Variants in ZNF85 observed in about 807,000 individuals in gnomAD.
ZNF85 encodes the protein zinc finger protein 85 (HPF4, HTF1).
In ZNF85, 50 loss-of-function variants were observed where a neutral mutation model predicts 53.9. The observed-to-expected ratio is 0.93, with a 90% CI of 0.74 to 1.17. ZNF85 has a LOEUF of 1.17. ZNF85 is among the 50% of genes most tolerant of loss of function. The pLI, the probability that ZNF85 is intolerant of heterozygous loss-of-function variation, is 0.00. For missense variants in ZNF85, 747 were observed against 688.5 expected (o/e 1.08, Z -0.95); for synonymous variants, 225 against 226.1 (o/e 1.00, Z 0.04).
chr19:20,941,209 T>G (rs760564003), intron 3 of ZNF85, among the ~76,000 whole-genome samples: 9 of 152,190 alleles, frequency 5.9e-5, no homozygotes, highest in Non-Finnish European at 1.2e-4. Flanking sequence ...AGTGATTTTG[T>G]TTTTCATTGT....
At chr19:20,928,224 C>CG (rs772562618) in intron 1 of ZNF85, 26 of 152,042 alleles carry the variant, frequency 1.7e-4, no homozygotes, top group Non-Finnish European at 3.2e-4. Context: ...AACCCTGAAT[C>CG]GGGGTCTGTG....
chr19:20,938,364 C>G (rs1973208321), intron 3 of ZNF85, among the ~76,000 whole-genome samples: 1 of 152,148 alleles, frequency 6.6e-6, no homozygotes, highest in Admixed American at 6.5e-5. Context: ...CTGCATTTGT[C>G]CTAGGATGCT....
At chr19:20,928,852 C>T (rs1228815593) in intron 1 of ZNF85, 1 of 152,110 alleles carries the variant, frequency 6.6e-6, no homozygotes, top group Non-Finnish European at 1.5e-5. Context: ...ACCTACATTG[C>T]ACTTTACCCC....
intron 1 of ZNF85, among the ~76,000 whole-genome samples, chr19:20,931,665 TG>T (rs1379946086): frequency 2.1e-5 from 3 of 144,260 alleles, no homozygotes; most frequent in East Asian, 4.1e-4. Context: ...TGGAGTGCAG[TG>T]GTGCAATCTC....
At chr19:20,931,789 A>T (rs1226638955) in intron 1 of ZNF85, among the ~76,000 whole-genome samples, 1 of 151,564 alleles carries the variant, frequency 6.6e-6, no homozygotes, top group African/African-American at 2.4e-5. Flanking sequence ...TTCTATTTTT[A>T]GTAGAGATGC....
chr19:20,941,084 A>C (rs1973284155), intron 3 of ZNF85, among the ~76,000 whole-genome samples: 1 of 152,210 alleles, frequency 6.6e-6, no homozygotes, highest in South Asian at 2.1e-4. Flanking sequence ...AACATTTTAA[A>C]ATAATGACTG....
chr19:20,948,466 G>A (rs1182743379), intron 3 of ZNF85, among the ~76,000 whole-genome samples: 1 of 151,614 alleles, frequency 6.6e-6, no homozygotes, highest in African/African-American at 2.4e-5. Context: ...AAATAGCTGT[G>A]TTGTAAATGT....
In ZNF85 at chr19:20,949,863, G is replaced by T. The variant is rs772984653; in HGVS notation, c.1349G>T (p.Gly450Val). ...KLTEHKKIHT[G>V]EKPYECEKCG... is the part of the protein sequence containing the mutation. ...ACTGAACATAAGAAAATTCATACTG[G>T]AGAGAAACCCTATGAATGTGAAAAA... The change falls in exon 4 of 4, where the codon GGA (glycine) becomes GTA (valine). Residue 450 changes from glycine (G) to valine (V), a missense_variant. By Grantham distance (109) the Gly-to-Val change is moderately radical. Coordinates refer to ENST00000328178, the MANE Select transcript of ZNF85 (RefSeq NM_003429.5). 6.2e-7 allele frequency: 1 copy of T among 1,612,650 alleles called. No individual in the cohort carries two copies. The highest frequency in any genetic ancestry group is 1.1e-5 in the South Asian group (1 of 90,896).
intron 3 of ZNF85, among the ~76,000 whole-genome samples, chr19:20,935,966 G>C (rs1023000438): frequency 2.0e-5 from 3 of 151,978 alleles, no homozygotes; most frequent in African/African-American, 7.2e-5. Flanking sequence ...AAATTTATTT[G>C]TGTCTTCTCT....
chr19:20,937,057 G>A (rs770035335), intron 3 of ZNF85: 8 of 180,074 alleles, frequency 4.4e-5, no homozygotes, highest in Admixed American at 6.1e-5. Flanking sequence ...TTTTTGAGAC[G>A]GAGTCTCACT....
At chr19:20,923,485 C>T in intron 1 of ZNF85, 82 bp downstream of exon 1, 17 of 1,604,732 alleles carry the variant, frequency 1.1e-5, no homozygotes, top group South Asian at 1.1e-5. Context: ...GGACTCAGGC[C>T]TCCCTGTAGT....
intron 3 of ZNF85, chr19:20,946,455 A>T: frequency 3.0e-6 from 1 of 333,146 alleles, no homozygotes; most frequent in Non-Finnish European, 5.8e-6. Context: ...TTATTATTAT[A>T]GAAAGTAGGT....
Position 20,949,693 on chromosome 19 carries a change from T to C in ZNF85, c.1179T>C (p.Thr393=), listed in dbSNP as rs1973525182. 6.2e-7 allele frequency: 1 copy of C among 1,613,194 alleles called. No homozygotes were observed. The highest frequency in any genetic ancestry group is 8.5e-7 in the Non-Finnish European group (1 of 1,179,516). The change falls in exon 4 of 4, where the codon ACT becomes ACC. Residue 393 remains threonine (T), a synonymous_variant. Transcript: ENST00000328178. ...TTACTACACATAAGATAATTCATAC[T>C]GGAGAGAAACCTTACAAATGTAAAG... ...SHLTTHKIIH[T]GEKPYKCKEC... is the part of the protein sequence containing the mutation.
chr19:20,924,887 G>A (rs1201951652), intron 1 of ZNF85, among the ~76,000 whole-genome samples: 2 of 152,108 alleles, frequency 1.3e-5, no homozygotes, highest in African/African-American at 2.4e-5. Context: ...CAAGGTTTCC[G>A]TTTGGAGACT....
At chr19:20,931,620 C>CTTTTTCT (rs1555793218) in intron 1 of ZNF85, among the ~76,000 whole-genome samples, 90 of 119,460 alleles carry the variant, frequency 7.5e-4, no homozygotes, top group African/African-American at 3.0e-3. Context: ...TTTTCTTTTT[C>CTTTTTCT]TTTTTTTTTT....
In ZNF85 at chr19:20,949,704, C is replaced by T. The variant is rs1383469038; in HGVS notation, c.1190C>T (p.Pro397Leu). 16 of 1,612,968 alleles carry T rather than the reference C, an allele frequency of 9.9e-6. No individual in the cohort carries two copies. The highest frequency in any genetic ancestry group is 3.3e-5 in the South Asian group (3 of 91,006). ...THKIIHTGEK[P>L]YKCKECGKAF... ...AAGATAATTCATACTGGAGAGAAAC[C>T]TTACAAATGTAAAGAATGTGGTAAA... The change falls in exon 4 of 4, where the codon CCT (proline) becomes CTT (leucine). Residue 397 changes from proline to leucine, a missense_variant. Transcript: ENST00000328178.
intron 3 of ZNF85, chr19:20,943,334 C>A (rs542485180): frequency 1.3e-5 from 2 of 153,054 alleles, no homozygotes; most frequent in South Asian, 4.1e-4. Context: ...TTGTACTATC[C>A]TCTTGGTAAT....
At chr19:20,938,012 T>C (rs1252028544) in intron 3 of ZNF85, among the ~76,000 whole-genome samples, 1 of 152,172 alleles carries the variant, frequency 6.6e-6, no homozygotes, top group African/African-American at 2.4e-5. Flanking sequence ...CCTCCCTGGA[T>C]CTCAAAGCTC....
At chr19:20,947,222 C>A (rs1973441981) in intron 3 of ZNF85, among the ~76,000 whole-genome samples, 1 of 151,830 alleles carries the variant, frequency 6.6e-6, no homozygotes, top group African/African-American at 2.4e-5. Context: ...CTGCCCTCAA[C>A]TTTCTTATTG....
Sources: allele counts gnomAD v4.1 joint callset (sites outside exome capture counted in the v4.1 genomes callset), GRCh38; gene constraint gnomAD v4.1.1; transcripts MANE v1.5; gene names NCBI Gene and HGNC (gene_info 2026-07-23, HGNC 2026-07-21).